ELL: variants seen among roughly 807,000 people sequenced by gnomAD.
ELL encodes the protein elongation factor for RNA polymerase II.
Under a neutral mutation model 64.0 loss-of-function variants are expected in ELL, and 18 were observed. The ratio of observed to expected loss-of-function variants is 0.28; its 90% CI spans 0.19 to 0.42. The LOEUF (loss-of-function observed/expected upper bound fraction) is 0.42, where lower values mean the gene tolerates loss of function less well. Ranked by LOEUF, ELL falls within the 10% of genes least tolerant of loss-of-function variation. The pLI is 1.00. For synonymous variants in ELL, 399 were observed against 376.2 expected, an observed-to-expected ratio of 1.06 and a Z score of -0.70; for missense variants, 797 against 870.4, an observed-to-expected ratio of 0.92 and a Z score of 1.06.
intron 4 of ELL, among the ~76,000 whole-genome samples, chr19:18,463,252 C>T (rs934305859): frequency 6.6e-6 from 1 of 151,124 alleles, no homozygotes; most frequent in Non-Finnish European, 1.5e-5. Flanking sequence ...CCATATAGGG[C>T]CAGGCTGATT....
chr19:18,471,249 C>T (rs915141021), intron 2 of ELL: 3 of 363,820 alleles, frequency 8.2e-6, no homozygotes, highest in Non-Finnish European at 1.6e-5. Flanking sequence ...GTAGTGTACA[C>T]CAGTAGTCCC....
Position 18,465,461 on chromosome 19 carries a change from C to T in ELL, c.420G>A (p.Glu140=), listed in dbSNP as rs762318563. 1 of 1,612,390 alleles carries T rather than the reference C, an allele frequency of 6.2e-7. No individual in the cohort carries two copies. The highest frequency in any genetic ancestry group is 1.1e-5 in the South Asian group (1 of 90,984). The change falls in exon 4 of 12, where the codon GAG becomes GAA. Residue 140 remains glutamate (E), a synonymous_variant. Transcript: ENST00000262809. ...ARQSMAQAEE[E]TRSRSAIVIK... ...TGACAATGGCACTTCGGCTCCGCGT[C>T]TCCTCCTCCGCCTGGGCCATGCTCT...
In ELL at chr19:18,443,392, T is replaced by C. The variant is rs1466435948; in HGVS notation, c.*1360A>G. The C allele has an allele frequency of 1.6e-5, 3 of 187,262 alleles. No homozygotes were observed. Among genetic ancestry groups the C allele is most frequent in the East Asian group, 1.3e-4 (2 of 15,800 alleles). 11.6% of individuals were successfully genotyped at this position (187,262 alleles called of 1,614,324 possible). Reference sequence around the variant, plus strand: ...CCCTCCACCCCCCAGTTTAGAAAAATAGACATCTGTATTTTTGCATTTCTG... The same window carrying C: ...CCCTCCACCCCCCAGTTTAGAAAAACAGACATCTGTATTTTTGCATTTCTG... On this transcript the variant is annotated 3_prime_UTR_variant, in exon 12 of 12. Transcript: ENST00000262809.
At chr19:18,446,216 G>A (rs994923285) in intron 10 of ELL, 93 bp downstream of exon 10, 2 of 891,354 alleles carry the variant, frequency 2.2e-6, no homozygotes. Context: ...CCAGACTCTG[G>A]GGCCACCAAG....
chr19:18,506,436 C>T (rs1374633457), intron 1 of ELL, among the ~76,000 whole-genome samples: 1 of 152,266 alleles, frequency 6.6e-6, no homozygotes, highest in Non-Finnish European at 1.5e-5. Flanking sequence ...TCAGCCCAGA[C>T]TTCTGCTCGG....
intron 6 of ELL, among the ~76,000 whole-genome samples, chr19:18,454,714 G>A (rs983203805): frequency 5.3e-5 from 8 of 150,990 alleles, no homozygotes; most frequent in Non-Finnish European, 1.0e-4. Context: ...GGTGGCAGGC[G>A]CCTGTAATCC....
chr19:18,469,270 T>C (rs1266965502), intron 2 of ELL, among the ~76,000 whole-genome samples: 1 of 152,152 alleles, frequency 6.6e-6, no homozygotes, highest in Non-Finnish European at 1.5e-5. Context: ...ACCGAGGTTC[T>C]CACAGGCCCT....
intron 2 of ELL, among the ~76,000 whole-genome samples, chr19:18,469,781 C>T (rs1975025333): frequency 6.6e-6 from 1 of 152,246 alleles, no homozygotes; most frequent in African/African-American, 2.4e-5. Context: ...GTTGCTTCCA[C>T]CACCGCTCAA....
intron 3 of ELL, 78 bp from the exon 4 acceptor site, chr19:18,465,653 C>G: frequency 6.8e-7 from 1 of 1,479,964 alleles, no homozygotes; most frequent in Non-Finnish European, 9.0e-7. Flanking sequence ...AAGCCCCCAG[C>G]CCACCACCTG....
At chr19:18,500,054 G>A (rs1568395826) in intron 1 of ELL, among the ~76,000 whole-genome samples, 1 of 152,206 alleles carries the variant, frequency 6.6e-6, no homozygotes. Context: ...TTGAGGCCAG[G>A]AGTTTGAGAC....
At chr19:18,490,024 C>G (rs545648828) in intron 1 of ELL, among the ~76,000 whole-genome samples, 23 of 152,158 alleles carry the variant, frequency 1.5e-4, no homozygotes, top group Non-Finnish European at 1.0e-4. Context: ...CACCTGCACG[C>G]GGGGCCAGCC....
At chr19:18,487,201 C>T (rs1016104762) in intron 1 of ELL, among the ~76,000 whole-genome samples, 6 of 152,168 alleles carry the variant, frequency 3.9e-5, no homozygotes, top group Non-Finnish European at 8.8e-5. Context: ...CCATAAAAAC[C>T]CATTGAGGGC....
Position 18,462,338 on chromosome 19 carries a change from T to G in ELL, c.470-486A>C, listed in dbSNP as rs1401510590. ...ATCACCTGATCACTCTAGTGGGCTG[T>G]GTGTGTGTGTGTGTGTGTGTGTGTG... On this transcript the variant is annotated intron_variant, in intron 4 of 11. Coordinates refer to ENST00000262809, the MANE Select transcript of ELL (RefSeq NM_006532.4). Among the ~76,000 whole-genome samples the G allele has an allele frequency of 6.1e-5, 4 of 65,910 alleles. No individual in the cohort carries two copies. In the African/African-American group the frequency reaches 6.4e-4, roughly 11 times the overall value. 43.2% of individuals were successfully genotyped at this position (65,910 alleles called of 152,430 possible).
rs1452025711 is a variant in ELL, at chr19:18,458,335, A to G, written c.745-6T>C. On this transcript the variant is annotated splice_region_variant and splice_polypyrimidine_tract_variant and intron_variant, in intron 5 of 11. Transcript: ENST00000262809. Reference sequence around the variant, plus strand: ...TTAGCACTCATGTTGGCCACCTGCAAGACAGAGCCAGCCATCACTTTGTGG... The same window carrying G: ...TTAGCACTCATGTTGGCCACCTGCAGGACAGAGCCAGCCATCACTTTGTGG... 1.2e-6 allele frequency: 2 copies of G among 1,608,388 alleles called. No individual in the cohort carries two copies. Among genetic ancestry groups the G allele is most frequent in the East Asian group, 4.5e-5 (2 of 44,662 alleles).
chr19:18,451,410 G>T, intron 7 of ELL, 142 bp downstream of exon 7: 1 of 764,150 alleles, frequency 1.3e-6, no homozygotes, highest in Non-Finnish European at 1.9e-6. Context: ...CTTCCCCCTT[G>T]GTCCCTGGGC....
At chr19:18,457,218 C>G (rs1008410487) in intron 6 of ELL, among the ~76,000 whole-genome samples, 1 of 152,216 alleles carries the variant, frequency 6.6e-6, no homozygotes, top group African/African-American at 2.4e-5. Flanking sequence ...CGGGGAAGCT[C>G]CCCGACGCCC....
At chr19:18,479,748 A>T (rs1975257772) in intron 1 of ELL, among the ~76,000 whole-genome samples, 1 of 151,408 alleles carries the variant, frequency 6.6e-6, no homozygotes, top group South Asian at 2.1e-4. Flanking sequence ...TGTTTTAAAA[A>T]CTCTCCAGCA....
chr19:18,502,670 G>C (rs1209856626), intron 1 of ELL, among the ~76,000 whole-genome samples: 2 of 152,204 alleles, frequency 1.3e-5, no homozygotes, highest in Non-Finnish European at 2.9e-5. Flanking sequence ...ATGAGAGAGA[G>C]GGCCCAATGA....
intron 1 of ELL, among the ~76,000 whole-genome samples, chr19:18,509,585 G>GCA (rs1975959945): frequency 9.0e-6 from 1 of 110,696 alleles, no homozygotes; most frequent in African/African-American, 4.6e-5. Context: ...ATGCACGTGC[G>GCA]CGCGCGCGCA....
Sources: allele counts gnomAD v4.1 joint callset (sites outside exome capture counted in the v4.1 genomes callset), GRCh38; gene constraint gnomAD v4.1.1; transcripts MANE v1.5; gene names NCBI Gene and HGNC (gene_info 2026-07-23, HGNC 2026-07-21).